Variants in TES observed in about 807,000 individuals in gnomAD.
TES encodes the protein testin LIM domain protein.
Under a neutral mutation model 48.2 loss-of-function variants are expected in TES, and 41 were observed. The observed-to-expected ratio is 0.85, with a 90% CI of 0.66 to 1.10. The LOEUF is 1.10. Ranked by LOEUF, TES falls within the 50% of genes least tolerant of loss-of-function variation. TES has a pLI of 0.00. For missense variants in TES, 463 were observed against 515.1 expected (o/e 0.90, Z 0.98); for synonymous variants, 162 against 174.9 (o/e 0.93, Z 0.58).
intron 1 of TES, 52 bp downstream of exon 1, chr7:116,210,786 C>A: frequency 8.1e-7 from 1 of 1,228,002 alleles, no homozygotes; most frequent in Non-Finnish European, 1.0e-6. Flanking sequence ...GCGGGTCGCG[C>A]GGCGCGCGGC....
intron 1 of TES, among the ~76,000 whole-genome samples, chr7:116,233,177 C>CTGA (rs1335362572): frequency 1.3e-5 from 2 of 152,202 alleles, no homozygotes; most frequent in Non-Finnish European, 2.9e-5. Context: ...CTCATGGTCA[C>CTGA]TGATGTGATA....
chr7:116,232,240 G>T (rs1215267462), intron 1 of TES, among the ~76,000 whole-genome samples: 1 of 152,122 alleles, frequency 6.6e-6, no homozygotes, highest in Non-Finnish European at 1.5e-5. Flanking sequence ...AGAGGCAGAA[G>T]CATATTTCTA....
chr7:116,235,317 C>T lies in TES; in HGVS notation c.113+698C>T, dbSNP rs141591628. 1.3e-4 allele frequency among the ~76,000 whole-genome samples: 20 copies of T among 152,166 alleles called. No individual in the cohort carries two copies. In the East Asian group the frequency reaches 3.3e-3, roughly 25 times the overall value. Reference sequence around the variant, plus strand: ...CTTTACATCTCATGTCTACATTTTCCGTAAACAAATATGAATACTGAATCA... The same window carrying T: ...CTTTACATCTCATGTCTACATTTTCTGTAAACAAATATGAATACTGAATCA... On this transcript the variant is annotated intron_variant, in intron 2 of 6. Transcript: ENST00000358204.
intron 1 of TES, among the ~76,000 whole-genome samples, chr7:116,220,966 C>T (rs1416266349): frequency 1.3e-5 from 2 of 152,090 alleles, no homozygotes; most frequent in African/African-American, 4.8e-5. Context: ...GAAGAAAATC[C>T]TGCATAGATC....
intron 2 of TES, among the ~76,000 whole-genome samples, chr7:116,246,843 T>A (rs1162702599): frequency 6.6e-6 from 1 of 150,888 alleles, no homozygotes; most frequent in African/African-American, 2.5e-5. Flanking sequence ...CTATACTTTC[T>A]TTCCTATCAC....
chr7:116,226,037 G>T lies in TES; in HGVS notation c.28-8497G>T, dbSNP rs554980915. On this transcript the variant is annotated intron_variant, in intron 1 of 6. Coordinates refer to ENST00000358204, the MANE Select transcript of TES (RefSeq NM_015641.4). ...AAAATACTTAGAACCCTGCATGGCA[G>T]TGTAAGTGCTCAATAAAAATCAGCT... Among the ~76,000 whole-genome samples the T allele has an allele frequency of 2.2e-4, 33 of 152,294 alleles. 1 individual carries two copies. In the South Asian group the frequency reaches 6.8e-3, roughly 32 times the overall value.
chr7:116,212,109 T>C (rs1234048025), intron 1 of TES, among the ~76,000 whole-genome samples: 2 of 152,216 alleles, frequency 1.3e-5, no homozygotes, highest in Admixed American at 1.3e-4. Context: ...TAGCTTTCTG[T>C]TGATGAATAC....
chr7:116,246,418 A>G (rs1289261603), intron 2 of TES, among the ~76,000 whole-genome samples: 1 of 152,242 alleles, frequency 6.6e-6, no homozygotes, highest in Non-Finnish European at 1.5e-5. Context: ...GATATTTAAA[A>G]TTACAGATCT....
chr7:116,215,071 G>A (rs1190231779), intron 1 of TES, among the ~76,000 whole-genome samples: 1 of 152,090 alleles, frequency 6.6e-6, no homozygotes, highest in Non-Finnish European at 1.5e-5. Flanking sequence ...TGGTTATTTT[G>A]TTTGCTGTTC....
At chr7:116,227,205 C>T (rs1799634075) in intron 1 of TES, among the ~76,000 whole-genome samples, 2 of 151,740 alleles carry the variant, frequency 1.3e-5, no homozygotes, top group Admixed American at 6.6e-5. Flanking sequence ...CAACCTCTGT[C>T]CCCTGAGTTC....
At chr7:116,221,703 A>C (rs981287707) in intron 1 of TES, among the ~76,000 whole-genome samples, 2 of 152,186 alleles carry the variant, frequency 1.3e-5, no homozygotes, top group Non-Finnish European at 2.9e-5. Context: ...ATCAAGAATC[A>C]ATGTACTGAA....
chr7:116,219,363 C>G (rs1194538590), intron 1 of TES, among the ~76,000 whole-genome samples: 3 of 152,138 alleles, frequency 2.0e-5, no homozygotes, highest in Non-Finnish European at 4.4e-5. Flanking sequence ...GTATAAGACC[C>G]TAGCCCACAG....
At chr7:116,225,877 T>C (rs1168130100) in intron 1 of TES, among the ~76,000 whole-genome samples, 1 of 152,236 alleles carries the variant, frequency 6.6e-6, no homozygotes, top group Non-Finnish European at 1.5e-5. Flanking sequence ...TTATGACCTA[T>C]CTTGAGGCAC....
rs1799817090 is a variant in TES, at chr7:116,239,610, G to A, written c.113+4991G>A. Among the ~76,000 whole-genome samples the A allele has an allele frequency of 2.6e-5, 4 of 152,254 alleles. No individual in the cohort carries two copies. In the South Asian group the frequency reaches 8.3e-4, roughly 31 times the overall value. ...TGCACATTTTTCACTCTCAGGGCCA[G>A]TGAACTTTGAACTGCACCAGGCTGT... On this transcript the variant is annotated intron_variant, in intron 2 of 6. Transcript: ENST00000358204.
At position 116,249,198 on chromosome 7, in the gene TES, G is replaced by T; in HGVS notation, c.292G>T (p.Val98Phe). Residue 98 changes from valine (V) to phenylalanine (F), a missense_variant, in exon 3 of 7, where the codon GTT (valine) becomes TTT (phenylalanine). Transcript: ENST00000358204. The part of the protein sequence containing the change: ...KRNVMILTNP[V>F]AAKKNVSINT... ...CAATGTTATGATATTGACGAATCCAGTTGCTGCCAAGAAGAATGTCTCCAT... is the reference window on the plus strand; with the variant it reads ...CAATGTTATGATATTGACGAATCCATTTGCTGCCAAGAAGAATGTCTCCAT... 6.2e-7 allele frequency: 1 copy of T among 1,614,086 alleles called. No individual in the cohort carries two copies. Among genetic ancestry groups the T allele is most frequent in the Non-Finnish European group, 8.5e-7 (1 of 1,179,984 alleles).
intron 6 of TES, among the ~76,000 whole-genome samples, chr7:116,254,539 G>A (rs1449925044): frequency 6.6e-6 from 1 of 152,096 alleles, no homozygotes. Flanking sequence ...TTCGAGACCA[G>A]CCTGGCCAAC....
chr7:116,257,257 A>G, intron 6 of TES, 37 bp from the exon 7 acceptor site: 1 of 1,536,826 alleles, frequency 6.5e-7, no homozygotes, highest in Non-Finnish European at 8.8e-7. Context: ...TTACAGCTTG[A>G]TCTCTCACCC....
rs1800119851 is a variant in TES at position 116,257,522 on chromosome 7, A to G, written c.*40A>G. 1.4e-6 allele frequency: 2 copies of G among 1,441,668 alleles called. No individual in the cohort carries two copies. Among genetic ancestry groups the G allele is most frequent in the East Asian group, 5.0e-5 (2 of 40,012 alleles). 89.3% of individuals were successfully genotyped at this position (1,441,668 alleles called of 1,614,324 possible). ...GAAGTATCGAGCCATAGCTATCCAA[A>G]GTGGTCTGCATTTCTACTGTAAAAT... is the stretch of plus-strand genomic sequence containing the variant. On this transcript the variant is annotated 3_prime_UTR_variant, in exon 7 of 7. Coordinates refer to ENST00000358204, the MANE Select transcript of TES (RefSeq NM_015641.4).
chr7:116,223,065 A>C lies in TES; in HGVS notation c.28-11469A>C, dbSNP rs982695525. On this transcript the variant is annotated intron_variant, in intron 1 of 6. Transcript: ENST00000358204. ...ATGACTTCCTTCATACAGTAGTATA[A>C]AAATAATTTGATAGCAGTCCGTTTG... 4 of 903,040 alleles carry C rather than the reference A, an allele frequency of 4.4e-6. No homozygotes were observed. The African/African-American group carries it at 7.2e-5, about 16-fold the overall frequency. 55.9% of individuals were successfully genotyped at this position (903,040 alleles called of 1,614,324 possible). A position where few individuals can be genotyped will look rare whatever the true frequency, so the allele number is the denominator to read the frequency against.
Sources: gnomAD v4.1 joint callset for allele counts (sites outside exome capture counted in the v4.1 genomes callset) on GRCh38, gnomAD v4.1.1 for gene constraint, MANE v1.5 for transcripts, NCBI Gene and HGNC (gene_info 2026-07-23, HGNC 2026-07-21) for gene names.